PDE4D: variants seen among roughly 807,000 people sequenced by gnomAD.
The protein encoded by PDE4D is 3',5'-cyclic-AMP phosphodiesterase 4D.
A neutral mutation model predicts 87.4 loss-of-function variants in PDE4D; 24 were observed. The observed-to-expected ratio is 0.27, with a 90% CI of 0.20 to 0.39. The LOEUF (loss-of-function observed/expected upper bound fraction) is 0.39, where lower values mean the gene tolerates loss of function less well. Among genes scored for constraint, PDE4D ranks in the 10% least tolerant of loss-of-function variants. PDE4D has a pLI of 1.00. For synonymous variants in PDE4D, 384 were observed against 383.2 expected, an observed-to-expected ratio of 1.00 and a Z score of -0.02; for missense variants, 714 against 1,041.0, an observed-to-expected ratio of 0.69 and a Z score of 4.32.
intron 1 of PDE4D, among the ~76,000 whole-genome samples, chr5:59,515,640 T>A (rs762830010): frequency 6.6e-6 from 1 of 152,242 alleles, no homozygotes; most frequent in Admixed American, 6.5e-5. Flanking sequence ...GATTTGGATA[T>A]AGCTGCAGCA....
chr5:59,639,422 A>G (rs1741162022), intron 1 of PDE4D, among the ~76,000 whole-genome samples: 1 of 151,834 alleles, frequency 6.6e-6, no homozygotes, highest in Admixed American at 6.6e-5. Context: ...AAAAGACTAA[A>G]AGACTAAGAA....
At chr5:59,859,297 A>T (rs1745911904) in intron 1 of PDE4D, among the ~76,000 whole-genome samples, 1 of 152,102 alleles carries the variant, frequency 6.6e-6, no homozygotes, top group Non-Finnish European at 1.5e-5. Context: ...CTGCTTCCTA[A>T]AGGACAGTTC....
intron 2 of PDE4D, among the ~76,000 whole-genome samples, chr5:59,205,889 G>C (rs1477407257): frequency 1.3e-5 from 2 of 152,058 alleles, no homozygotes; most frequent in Admixed American, 1.3e-4. Flanking sequence ...TTTATTGGGA[G>C]ACAACATCAT....
chr5:59,736,994 T>C (rs1344181593), intron 1 of PDE4D, among the ~76,000 whole-genome samples: 1 of 152,160 alleles, frequency 6.6e-6, no homozygotes, highest in Non-Finnish European at 1.5e-5. Flanking sequence ...AAATAATATG[T>C]GCATAATATA....
At chr5:60,079,213 G>C (rs558763823) in intron 2 of PDE4D, among the ~76,000 whole-genome samples, 201 of 152,174 alleles carry the variant, frequency 1.3e-3, no homozygotes, top group African/African-American at 4.6e-3. Flanking sequence ...CATATCCTTT[G>C]CCTACTTTTT....
intron 1 of PDE4D, among the ~76,000 whole-genome samples, chr5:59,787,590 T>C (rs925276574): frequency 6.6e-6 from 1 of 152,326 alleles, no homozygotes; most frequent in East Asian, 1.9e-4. Flanking sequence ...GAAGGATAGA[T>C]GGACAGATAA....
intron 2 of PDE4D, among the ~76,000 whole-genome samples, chr5:60,168,713 T>C (rs1783150355): frequency 6.6e-6 from 1 of 152,236 alleles, no homozygotes; most frequent in South Asian, 2.1e-4. Flanking sequence ...GTAAATACTA[T>C]GTAAATAGTT....
intron 12 of PDE4D, 38 bp from the exon 13 acceptor site, chr5:58,976,510 C>G (rs1459636772): frequency 7.0e-7 from 1 of 1,421,440 alleles, no homozygotes; most frequent in East Asian, 2.5e-5. Flanking sequence ...TCAGAGAAAA[C>G]AGAATTTACA....
At chr5:59,653,225 T>TTTTTTTTAA (rs1188904512) in intron 1 of PDE4D, among the ~76,000 whole-genome samples, 1 of 150,578 alleles carries the variant, frequency 6.6e-6, no homozygotes, top group African/African-American at 2.4e-5. Flanking sequence ...TTTTTTTTTT[T>TTTTTTTTAA]AGACAGAGTT....
intron 1 of PDE4D, among the ~76,000 whole-genome samples, chr5:59,732,144 A>T (rs947618744): frequency 6.7e-6 from 1 of 150,240 alleles, no homozygotes; most frequent in African/African-American, 2.5e-5. Context: ...TCTTAATTTC[A>T]AAATAATTAT....
intron 3 of PDE4D, among the ~76,000 whole-genome samples, chr5:59,983,565 C>T: frequency 6.6e-6 from 1 of 152,014 alleles, no homozygotes; most frequent in East Asian, 1.9e-4. Context: ...GGTCATAACA[C>T]AAAGAAGATA....
intron 5 of PDE4D, among the ~76,000 whole-genome samples, chr5:59,078,535 G>A (rs1766106567): frequency 6.7e-6 from 1 of 149,924 alleles, no homozygotes; most frequent in Non-Finnish European, 1.5e-5. Flanking sequence ...TGGTGACAGG[G>A]TCTCACTTCA....
At chr5:59,078,085 T>A (rs1405330507) in intron 5 of PDE4D, among the ~76,000 whole-genome samples, 1 of 152,188 alleles carries the variant, frequency 6.6e-6, no homozygotes, top group Non-Finnish European at 1.5e-5. Context: ...CCCTCCTTGT[T>A]GTTTCTCTCC....
intron 1 of PDE4D, among the ~76,000 whole-genome samples, chr5:59,720,244 C>G (rs13359347): frequency 0.037 from 5,576 of 152,204 alleles, 128 homozygotes; most frequent in Middle Eastern, 0.048. Flanking sequence ...CCGCTGCAGC[C>G]TTAAAATGCT....
chr5:59,762,350 A>ATATGGGTACACATGTG (rs1561615664), intron 1 of PDE4D, among the ~76,000 whole-genome samples: 5 of 61,078 alleles, frequency 8.2e-5, no homozygotes, highest in African/African-American at 3.6e-4. Flanking sequence ...ACACATATGC[A>ATATGGGTACACATGTG]TATATGTGTA....
chr5:59,921,759 C>T (rs978455), intron 3 of PDE4D, among the ~76,000 whole-genome samples: 98,018 of 151,980 alleles, frequency 0.64, 33,732 homozygotes, highest in African/African-American at 0.89. Context: ...CAACATGTTA[C>T]AGAATAAAAA....
At chr5:59,274,642 A>T (rs1270463962) in intron 1 of PDE4D, among the ~76,000 whole-genome samples, 1 of 152,142 alleles carries the variant, frequency 6.6e-6, no homozygotes, top group African/African-American at 2.4e-5. Flanking sequence ...TAGAAAAAAA[A>T]GTTACTTTGT....
At chr5:60,221,098 G>GA (rs1225499607) in intron 1 of PDE4D, among the ~76,000 whole-genome samples, 1 of 152,046 alleles carries the variant, frequency 6.6e-6, no homozygotes, top group African/African-American at 2.4e-5. Context: ...TATAACAATT[G>GA]AAAGTGATGC....
intron 1 of PDE4D, among the ~76,000 whole-genome samples, chr5:59,684,746 T>C: frequency 6.6e-6 from 1 of 152,210 alleles, no homozygotes; most frequent in East Asian, 1.9e-4. Context: ...TCCCATGCCC[T>C]GCTTCCTGGT....
Sources: allele counts gnomAD v4.1 joint callset (sites outside exome capture counted in the v4.1 genomes callset), GRCh38; gene constraint gnomAD v4.1.1; transcripts MANE v1.5; gene names NCBI Gene and HGNC (gene_info 2026-07-23, HGNC 2026-07-21).